Variants in KIAA1217 observed in about 807,000 individuals in gnomAD.
KIAA1217 encodes KIAA1217.
A neutral mutation model predicts 163.9 loss-of-function variants in KIAA1217; 88 were observed. The ratio of observed to expected loss-of-function variants is 0.54; its 90% confidence interval spans 0.45 to 0.64. KIAA1217 has a LOEUF of 0.64. Ranked by LOEUF, KIAA1217 falls within the 30% of genes least tolerant of loss-of-function variation. The pLI, the probability that KIAA1217 is intolerant of heterozygous loss-of-function variation, is 0.00. For missense variants in KIAA1217, 2,372 were observed against 2,475.0 expected (o/e 0.96, Z 0.88); for synonymous variants, 903 against 923.1 (o/e 0.98, Z 0.39).
chr10:24,510,899 G>A (rs1249205212), intron 9 of KIAA1217, among the ~76,000 whole-genome samples: 1 of 152,058 alleles, frequency 6.6e-6, no homozygotes, highest in East Asian at 1.9e-4. Context: ...ATTGTTGCCT[G>A]TTCTTATCAA....
chr10:23,888,726 T>G (rs1841291297), intron 1 of KIAA1217, among the ~76,000 whole-genome samples: 1 of 151,926 alleles, frequency 6.6e-6, no homozygotes, highest in South Asian at 2.1e-4. Flanking sequence ...TAATGAACTT[T>G]TTTATGTATA....
chr10:24,484,869 T>C (rs1458726416), intron 6 of KIAA1217, among the ~76,000 whole-genome samples: 3 of 152,170 alleles, frequency 2.0e-5, no homozygotes, highest in Non-Finnish European at 4.4e-5. Context: ...TGAGGGGGGT[T>C]GTGTCCTTAT....
At chr10:24,423,273 A>T (rs2058897526) in intron 3 of KIAA1217, among the ~76,000 whole-genome samples, 1 of 148,462 alleles carries the variant, frequency 6.7e-6, no homozygotes, top group Admixed American at 6.8e-5. Context: ...CCTCACACTT[A>T]TGAGTCTTTA....
At chr10:23,957,688 C>T (rs1190228490) in intron 1 of KIAA1217, among the ~76,000 whole-genome samples, 1 of 152,144 alleles carries the variant, frequency 6.6e-6, no homozygotes, top group Non-Finnish European at 1.5e-5. Flanking sequence ...GGCCACTGCA[C>T]TCCAGTCTGG....
At chr10:24,168,090 T>A (rs1032317919) in intron 2 of KIAA1217, among the ~76,000 whole-genome samples, 3 of 152,156 alleles carry the variant, frequency 2.0e-5, no homozygotes, top group African/African-American at 7.2e-5. Flanking sequence ...AACATAAGGA[T>A]TCTAATTCTG....
chr10:24,156,642 C>T (rs560021731), intron 2 of KIAA1217, among the ~76,000 whole-genome samples: 7 of 152,274 alleles, frequency 4.6e-5, no homozygotes, highest in African/African-American at 1.7e-4. Context: ...TGATCAGACT[C>T]TTACACTCTG....
intron 1 of KIAA1217, among the ~76,000 whole-genome samples, chr10:23,707,188 A>G (rs1459596066): frequency 1.3e-5 from 2 of 152,158 alleles, no homozygotes; most frequent in East Asian, 3.9e-4. Flanking sequence ...TTGTATGATG[A>G]AGGGAAGATT....
At position 24,476,430 on chromosome 10, in the gene KIAA1217, T is replaced by C. The variant is rs553106654; in HGVS notation, c.1679+2370T>C. ...TTTTTTAAAAAAGATCTGCCAACCC[T>C]AGAGACTTCCATTTTGTAAAATTTC... On this transcript the variant is annotated intron_variant, in intron 6 of 20. Coordinates refer to ENST00000376454, the MANE Select transcript of KIAA1217 (RefSeq NM_019590.5). Among the ~76,000 whole-genome samples the C allele has an allele frequency of 2.6e-5, 4 of 152,318 alleles. No homozygotes were observed. In the East Asian group the frequency reaches 7.7e-4, roughly 29 times the overall value.
At chr10:24,467,668 GGTACAACATAGCTA>G (rs1479408466) in intron 5 of KIAA1217, among the ~76,000 whole-genome samples, 13 of 152,062 alleles carry the variant, frequency 8.5e-5, no homozygotes, top group Non-Finnish European at 1.6e-4. Context: ...AAGTGTCAAT[GGTACAACATAGCTA>G]GTTACTTAAA....
Position 24,080,845 on chromosome 10 carries a change from A to G in KIAA1217, c.-171+73471A>G, listed in dbSNP as rs986132184. 1.7e-4 allele frequency among the ~76,000 whole-genome samples: 26 copies of G among 152,184 alleles called. 1 individual carries two copies. Among genetic ancestry groups the G allele is most frequent in the African/African-American group, 6.3e-4 (26 of 41,428 alleles). ...GTTTTTTCAGATTGAAAACACAATG[A>G]TTAACTTAATCTTAACGTTTGTCAA... On this transcript the variant is annotated intron_variant, in intron 2 of 18. Transcript: ENST00000376462.
At chr10:24,156,291 A>G (rs1256893586) in intron 2 of KIAA1217, among the ~76,000 whole-genome samples, 1 of 152,152 alleles carries the variant, frequency 6.6e-6, no homozygotes, top group Admixed American at 6.5e-5. Context: ...TTTTGTGTGT[A>G]TCAATAATTC....
At chr10:24,266,434 T>C (rs2076246429) in intron 2 of KIAA1217, among the ~76,000 whole-genome samples, 1 of 152,194 alleles carries the variant, frequency 6.6e-6, no homozygotes, top group African/African-American at 2.4e-5. Context: ...TCTCCTTCCC[T>C]GATACCATTG....
intron 3 of KIAA1217, among the ~76,000 whole-genome samples, chr10:24,393,672 C>T (rs1396989322): frequency 6.6e-6 from 1 of 152,194 alleles, no homozygotes; most frequent in Admixed American, 6.5e-5. Flanking sequence ...AAGTGTAGGT[C>T]TTAATCCGAT....
intron 2 of KIAA1217, among the ~76,000 whole-genome samples, chr10:24,359,263 G>T (rs2049617237): frequency 6.6e-6 from 1 of 151,484 alleles, no homozygotes; most frequent in East Asian, 1.9e-4. Context: ...TTAATTTTTT[G>T]TGTGTTTTTT....
chr10:24,318,204 TGATA>T (rs1268551842), intron 2 of KIAA1217, among the ~76,000 whole-genome samples: 3 of 152,046 alleles, frequency 2.0e-5, no homozygotes, highest in African/African-American at 2.4e-5. Context: ...GGTAGGTAGA[TGATA>T]GATAGATGGA....
intron 2 of KIAA1217, among the ~76,000 whole-genome samples, chr10:24,152,192 C>T (rs1316214646): frequency 6.6e-6 from 1 of 152,126 alleles, no homozygotes; most frequent in African/African-American, 2.4e-5. Flanking sequence ...ATTCATGCAG[C>T]GAGCATATGA....
chr10:24,052,215 T>C (rs985370796), intron 2 of KIAA1217, among the ~76,000 whole-genome samples: 1 of 152,170 alleles, frequency 6.6e-6, no homozygotes, highest in African/African-American at 2.4e-5. Flanking sequence ...TCAGGGATCC[T>C]TTAATGCTGA....
At chr10:23,840,219 G>A (rs908860646) in intron 1 of KIAA1217, among the ~76,000 whole-genome samples, 6 of 151,366 alleles carry the variant, frequency 4.0e-5, no homozygotes, top group Non-Finnish European at 7.4e-5. Context: ...GCAATGGTAC[G>A]ATCTTGGCTC....
intron 2 of KIAA1217, among the ~76,000 whole-genome samples, chr10:24,108,667 C>T (rs934486487): frequency 3.3e-5 from 5 of 152,046 alleles, no homozygotes; most frequent in Non-Finnish European, 7.4e-5. Flanking sequence ...TTTCAAGAAG[C>T]AGCTATTATT....
Sources: allele counts gnomAD v4.1 joint callset (sites outside exome capture counted in the v4.1 genomes callset), GRCh38; gene constraint gnomAD v4.1.1; transcripts MANE v1.5; gene names NCBI Gene and HGNC (gene_info 2026-07-23, HGNC 2026-07-21).